Variants in PCDH15 observed in about 807,000 individuals in gnomAD.
PCDH15 encodes protocadherin related 15.
A neutral mutation model predicts 178.5 loss-of-function variants in PCDH15; 129 were observed. The ratio of observed to expected loss-of-function variants is 0.72; its 90% CI spans 0.63 to 0.84. PCDH15 has a LOEUF of 0.84. Among genes scored for constraint, PCDH15 ranks in the 40% least tolerant of loss-of-function variants. The probability of loss-of-function intolerance (pLI) is 0.00; values close to 1 mark genes in which losing one functional copy is unlikely to be tolerated. For missense variants in PCDH15, 2,230 were observed against 2,099.9 expected (o/e 1.06, Z -1.21); for synonymous variants, 800 against 732.0 (o/e 1.09, Z -1.50).
intron 18 of PCDH15, among the ~76,000 whole-genome samples, chr10:54,066,147 A>G (rs997869631): frequency 1.3e-5 from 2 of 152,158 alleles, no homozygotes; most frequent in Non-Finnish European, 2.9e-5. Flanking sequence ...TGACTTCTAG[A>G]CCAATTATTA....
intron 1 of PCDH15, among the ~76,000 whole-genome samples, chr10:55,281,932 A>ACTT (rs1842744064): frequency 6.6e-6 from 1 of 152,150 alleles, no homozygotes; most frequent in Admixed American, 6.6e-5. Context: ...AAAAGTCTAC[A>ACTT]CTTCTTCTCA....
At chr10:54,795,080 T>C (rs1951823440) in intron 1 of PCDH15, among the ~76,000 whole-genome samples, 1 of 151,844 alleles carries the variant, frequency 6.6e-6, no homozygotes, top group African/African-American at 2.4e-5. Flanking sequence ...TTCTTTATGA[T>C]GATATTTCTC....
chr10:55,534,980 A>G (rs1014846492), intron 2 of PCDH15, among the ~76,000 whole-genome samples: 3 of 152,140 alleles, frequency 2.0e-5, no homozygotes, highest in African/African-American at 7.2e-5. Context: ...ATGTGTATTC[A>G]CATTTATAAG....
chr10:55,400,888 G>C (rs1019535714), intron 2 of PCDH15, among the ~76,000 whole-genome samples: 3 of 152,018 alleles, frequency 2.0e-5, no homozygotes, highest in Admixed American at 6.6e-5. Flanking sequence ...CTAAAATCCA[G>C]ATATTGGGAA....
chr10:53,818,679 T>G (rs892123500), intron 33 of PCDH15, among the ~76,000 whole-genome samples: 1 of 152,094 alleles, frequency 6.6e-6, no homozygotes. Flanking sequence ...GAAAAGAATA[T>G]AGAGTTTTCA....
At chr10:54,512,386 T>C (rs2081777935) in intron 3 of PCDH15, among the ~76,000 whole-genome samples, 1 of 151,694 alleles carries the variant, frequency 6.6e-6, no homozygotes, top group South Asian at 2.1e-4. Context: ...TGTGTGTGTG[T>C]GTGTGTGTGT....
chr10:55,128,422 T>A (rs1837958636), intron 2 of PCDH15, among the ~76,000 whole-genome samples: 1 of 152,020 alleles, frequency 6.6e-6, no homozygotes, highest in South Asian at 2.1e-4. Flanking sequence ...GAGACCTATA[T>A]GTACTTAATT....
chr10:53,851,366 C>T (rs2078345301), intron 28 of PCDH15, among the ~76,000 whole-genome samples: 1 of 151,756 alleles, frequency 6.6e-6, no homozygotes, highest in Non-Finnish European at 1.5e-5. Context: ...TCCATGGCAG[C>T]AGGGACTTCA....
rs1263020651 is a variant in PCDH15, at chr10:54,317,448, G to A, written c.706-7C>T. 3 of 1,613,494 alleles carry A rather than the reference G, an allele frequency of 1.9e-6. No individual in the cohort carries two copies. Among genetic ancestry groups the A allele is most frequent in the African/African-American group, 2.7e-5 (2 of 74,870 alleles). ...TCAGATTTTGGGCACGGTCCTGTTA[G>A]GGAGAAAAACAAACAACAGGTAGTT... On this transcript the variant is annotated splice_polypyrimidine_tract_variant and splice_region_variant and intron_variant, in intron 7 of 37. Transcript: ENST00000644397.
intron 25 of PCDH15, among the ~76,000 whole-genome samples, chr10:53,936,864 C>A (rs1011270557): frequency 2.6e-5 from 4 of 152,030 alleles, no homozygotes; most frequent in African/African-American, 4.8e-5. Flanking sequence ...AACTAATTAA[C>A]CTCAATTTAC....
intron 1 of PCDH15, among the ~76,000 whole-genome samples, chr10:55,214,596 G>T (rs1414609500): frequency 6.6e-6 from 1 of 151,470 alleles, no homozygotes; most frequent in Non-Finnish European, 1.5e-5. Flanking sequence ...CATTTTCCTG[G>T]CATATATCTT....
intron 3 of PCDH15, among the ~76,000 whole-genome samples, chr10:54,840,695 T>C (rs1953402301): frequency 6.6e-6 from 1 of 151,854 alleles, no homozygotes. Flanking sequence ...AGACTCACCT[T>C]GACTTTAAGA....
intron 25 of PCDH15, among the ~76,000 whole-genome samples, chr10:53,924,569 C>T (rs1032291274): frequency 6.6e-6 from 1 of 152,244 alleles, no homozygotes; most frequent in East Asian, 1.9e-4. Flanking sequence ...TGCGGGTGCA[C>T]AGCGCCGGAC....
At chr10:55,549,504 A>C (rs1841962020) in intron 2 of PCDH15, among the ~76,000 whole-genome samples, 1 of 152,162 alleles carries the variant, frequency 6.6e-6, no homozygotes, top group Non-Finnish European at 1.5e-5. Context: ...AATCTTAGGT[A>C]GGAAGTTGAA....
intron 2 of PCDH15, among the ~76,000 whole-genome samples, chr10:55,523,640 C>A (rs1841235964): frequency 1.3e-5 from 2 of 151,578 alleles, no homozygotes; most frequent in South Asian, 4.1e-4. Flanking sequence ...CAACTTGTTT[C>A]CTTTTTTTGC....
intron 18 of PCDH15, among the ~76,000 whole-genome samples, chr10:54,029,926 C>G (rs1244853725): frequency 2.6e-5 from 4 of 152,018 alleles, no homozygotes; most frequent in Non-Finnish European, 5.9e-5. Context: ...AGGATAAAAC[C>G]TCAAAGAACA....
At chr10:53,955,187 G>T (rs1437175988) in intron 23 of PCDH15, among the ~76,000 whole-genome samples, 1 of 152,150 alleles carries the variant, frequency 6.6e-6, no homozygotes, top group African/African-American at 2.4e-5. Flanking sequence ...TCTAGATGTG[G>T]ACTTCTGTCT....
intron 3 of PCDH15, among the ~76,000 whole-genome samples, chr10:54,469,400 C>G (rs1002046409): frequency 6.6e-5 from 10 of 152,276 alleles, no homozygotes; most frequent in African/African-American, 2.4e-4. Context: ...CTGCCCCCAT[C>G]CCTGCCTTTT....
At chr10:54,464,933 G>C (rs1424413112) in intron 3 of PCDH15, among the ~76,000 whole-genome samples, 1 of 152,148 alleles carries the variant, frequency 6.6e-6, no homozygotes, top group African/African-American at 2.4e-5. Context: ...TTGAGGTTAT[G>C]ATACAAGGTT....
Sources: allele counts gnomAD v4.1 joint callset (sites outside exome capture counted in the v4.1 genomes callset), GRCh38; gene constraint gnomAD v4.1.1; transcripts MANE v1.5; gene names NCBI Gene and HGNC (gene_info 2026-07-23, HGNC 2026-07-21).